The following FTO variants were observed in gnomAD, a reference collection of about 807,000 sequenced individuals.
FTO encodes the protein alpha-ketoglutarate-dependent dioxygenase FTO.
FTO carries 47 observed loss-of-function variants against 63.9 expected under a neutral mutation model. The ratio of observed to expected loss-of-function variants is 0.74; its 90% CI spans 0.58 to 0.94. The LOEUF (loss-of-function observed/expected upper bound fraction) is 0.94, where lower values mean the gene tolerates loss of function less well. FTO is among the 40% of genes least tolerant of loss of function. FTO has a pLI of 0.00. For synonymous variants in FTO, 207 were observed against 224.4 expected, an observed-to-expected ratio of 0.92 and a Z score of 0.69; for missense variants, 562 against 618.1, an observed-to-expected ratio of 0.91 and a Z score of 0.96.
At chr16:53,838,303 T>C (rs1426065908) in intron 3 of FTO, among the ~76,000 whole-genome samples, 1 of 152,142 alleles carries the variant, frequency 6.6e-6, no homozygotes, top group Non-Finnish European at 1.5e-5. Context: ...GAGGAAGTAA[T>C]CACAAGGGTG....
At chr16:53,764,782 T>A (rs1350207084) in intron 1 of FTO, among the ~76,000 whole-genome samples, 1 of 152,136 alleles carries the variant, frequency 6.6e-6, no homozygotes, top group African/African-American at 2.4e-5. Context: ...TACAGTGGCA[T>A]GATCTTGGTT....
intron 8 of FTO, chr16:54,069,832 G>C (rs1400420754): frequency 6.6e-6 from 1 of 152,168 alleles, no homozygotes; most frequent in African/African-American, 2.4e-5. Context: ...TGTAAATCCA[G>C]TGGGGGTTGT....
intron 8 of FTO, among the ~76,000 whole-genome samples, chr16:53,942,221 G>A (rs2082546669): frequency 1.3e-5 from 2 of 152,186 alleles, no homozygotes; most frequent in African/African-American, 2.4e-5. Context: ...CCTTGAAACT[G>A]GAAGTAAGGA....
At chr16:54,104,825 C>T (rs1264451780) in intron 8 of FTO, among the ~76,000 whole-genome samples, 4 of 152,204 alleles carry the variant, frequency 2.6e-5, no homozygotes, top group African/African-American at 9.6e-5. Flanking sequence ...ATTTAAACTG[C>T]TCTAGTCTTT....
At chr16:53,777,356 A>G (rs1219609675) in intron 1 of FTO, among the ~76,000 whole-genome samples, 1 of 152,196 alleles carries the variant, frequency 6.6e-6, no homozygotes, top group Non-Finnish European at 1.5e-5. Context: ...AGATTCATCC[A>G]TGTTGTCACA....
intron 8 of FTO, among the ~76,000 whole-genome samples, chr16:53,969,990 A>G (rs2083280257): frequency 1.3e-5 from 2 of 152,138 alleles, no homozygotes; most frequent in Non-Finnish European, 2.9e-5. Context: ...AAAAGAGGAA[A>G]AGAGTGCACC....
intron 8 of FTO, among the ~76,000 whole-genome samples, chr16:53,990,377 T>G (rs1328744710): frequency 6.6e-6 from 1 of 152,068 alleles, no homozygotes; most frequent in Non-Finnish European, 1.5e-5. Flanking sequence ...CTTTCCAGAG[T>G]CCTAAAGCCA....
At chr16:53,744,831 C>T (rs796150059) in intron 1 of FTO, among the ~76,000 whole-genome samples, 1,471 of 70,596 alleles carry the variant, frequency 0.021, 23 homozygotes, top group African/African-American at 0.089. Flanking sequence ...TTCTTCCCCC[C>T]CCCCATATAT....
chr16:54,075,540 G>A (rs1354288943), intron 8 of FTO, among the ~76,000 whole-genome samples: 1 of 152,178 alleles, frequency 6.6e-6, no homozygotes, highest in Non-Finnish European at 1.5e-5. Flanking sequence ...TTAGTTCCCG[G>A]TGGAAAGGAC....
intron 1 of FTO, among the ~76,000 whole-genome samples, chr16:53,797,863 A>G (rs2078116374): frequency 6.6e-6 from 1 of 152,008 alleles, no homozygotes; most frequent in African/African-American, 2.4e-5. Context: ...TTCTGGGTTC[A>G]TTTCTCTGAA....
intron 1 of FTO, among the ~76,000 whole-genome samples, chr16:53,773,896 G>C (rs2077400616): frequency 6.6e-6 from 1 of 152,162 alleles, no homozygotes; most frequent in Admixed American, 6.6e-5. Context: ...TCAGAACTGT[G>C]AGTGTTGGAA....
At chr16:54,030,286 G>A (rs2084798055) in intron 8 of FTO, among the ~76,000 whole-genome samples, 1 of 152,342 alleles carries the variant, frequency 6.6e-6, no homozygotes, top group South Asian at 2.1e-4. Flanking sequence ...GTTAAGAACA[G>A]ATAGGATTCA....
chr16:53,892,855 A>G (rs939316272), intron 7 of FTO, among the ~76,000 whole-genome samples: 2 of 152,124 alleles, frequency 1.3e-5, no homozygotes, highest in Non-Finnish European at 2.9e-5. Context: ...AAGGATATAG[A>G]AGAATGGAAA....
intron 5 of FTO, among the ~76,000 whole-genome samples, chr16:53,875,477 A>C (rs1176375556): frequency 6.6e-6 from 1 of 152,244 alleles, no homozygotes; most frequent in Non-Finnish European, 1.5e-5. Context: ...GTATACATTC[A>C]AAGAAGTTTG....
intron 1 of FTO, among the ~76,000 whole-genome samples, chr16:53,798,327 A>G (rs1272344270): frequency 1.1e-4 from 17 of 152,086 alleles, no homozygotes; most frequent in Admixed American, 1.1e-3. Flanking sequence ...TAGAATGTCA[A>G]TTTTTACAAA....
At chr16:54,078,759 T>C (rs931154534) in intron 8 of FTO, among the ~76,000 whole-genome samples, 17 of 152,126 alleles carry the variant, frequency 1.1e-4, no homozygotes, top group African/African-American at 3.9e-4. Context: ...TTCTTTTTGT[T>C]TAAACTCTAA....
intron 8 of FTO, among the ~76,000 whole-genome samples, chr16:54,065,159 T>C (rs8048991): frequency 0.018 from 1,276 of 69,658 alleles, 28 homozygotes; most frequent in African/African-American, 0.044. Flanking sequence ...ATTTTATTTA[T>C]TAATGTACTG....
chr16:53,856,793 A>C (rs923167878), intron 4 of FTO, among the ~76,000 whole-genome samples: 1 of 152,062 alleles, frequency 6.6e-6, no homozygotes, highest in South Asian at 2.1e-4. Context: ...CTCAAGGTAC[A>C]TAAGATACAT....
At chr16:54,074,652 T>A (rs1020118817) in intron 8 of FTO, among the ~76,000 whole-genome samples, 1 of 152,144 alleles carries the variant, frequency 6.6e-6, no homozygotes, top group Non-Finnish European at 1.5e-5. Flanking sequence ...TTGTTTCCTA[T>A]TTTTTTCCCT....
Sources: gnomAD v4.1 joint callset for allele counts (sites outside exome capture counted in the v4.1 genomes callset) on GRCh38, gnomAD v4.1.1 for gene constraint, MANE v1.5 for transcripts, NCBI Gene and HGNC (gene_info 2026-07-23, HGNC 2026-07-21) for gene names.